The following WWOX variants were observed in gnomAD, a reference collection of about 807,000 sequenced individuals.
WWOX encodes WW domain-containing oxidoreductase.
A neutral mutation model predicts 46.2 loss-of-function variants in WWOX; 69 were observed. The observed-to-expected ratio is 1.49, with a 90% confidence interval of 1.23 to 1.82. The LOEUF (loss-of-function observed/expected upper bound fraction) is 1.82, where lower values mean the gene tolerates loss of function less well. Among genes scored for constraint, WWOX ranks in the 40% most tolerant of loss-of-function variants. The probability of loss-of-function intolerance (pLI) is 0.00; values close to 1 mark genes in which losing one functional copy is unlikely to be tolerated. For missense variants in WWOX, 919 were observed against 542.6 expected, an observed-to-expected ratio of 1.69 and a Z score of -6.89; for synonymous variants, 359 against 202.6, an observed-to-expected ratio of 1.77 and a Z score of -6.56.
At chr16:78,538,872 C>T (rs546048183) in intron 8 of WWOX, among the ~76,000 whole-genome samples, 38 of 152,270 alleles carry the variant, frequency 2.5e-4, no homozygotes, top group African/African-American at 7.9e-4. Context: ...CTGAATAGTA[C>T]CTATGAGATG....
intron 8 of WWOX, among the ~76,000 whole-genome samples, chr16:78,768,417 C>T (rs377688822): frequency 1.4e-3 from 216 of 151,872 alleles, no homozygotes; most frequent in African/African-American, 4.9e-3. Context: ...TGTTGAAACC[C>T]GCTCTCTACT....
intron 8 of WWOX, among the ~76,000 whole-genome samples, chr16:78,748,584 C>T (rs1230140239): frequency 2.6e-5 from 4 of 152,156 alleles, no homozygotes; most frequent in African/African-American, 9.7e-5. Context: ...ACAATACGTC[C>T]GTGATCAACA....
At chr16:78,599,631 A>C (rs1445010419) in intron 8 of WWOX, among the ~76,000 whole-genome samples, 2 of 152,190 alleles carry the variant, frequency 1.3e-5, no homozygotes, top group Admixed American at 1.3e-4. Context: ...CAGGCCTGCC[A>C]ATCAACATTT....
At chr16:79,024,746 A>G (rs951336725) in intron 8 of WWOX, among the ~76,000 whole-genome samples, 5 of 151,698 alleles carry the variant, frequency 3.3e-5, no homozygotes, top group African/African-American at 1.2e-4. Context: ...TGATTTTTAA[A>G]TTTTTCATGG....
chr16:78,155,957 C>A (rs1462732786), intron 4 of WWOX, among the ~76,000 whole-genome samples: 1 of 152,198 alleles, frequency 6.6e-6, no homozygotes, highest in Non-Finnish European at 1.5e-5. Context: ...ATTGTCCTTC[C>A]TGTTAAACTA....
chr16:78,714,965 G>T (rs752135265), intron 8 of WWOX, among the ~76,000 whole-genome samples: 16 of 152,124 alleles, frequency 1.1e-4, no homozygotes, highest in African/African-American at 3.9e-4. Context: ...TGCGGCTGAG[G>T]ACAACACTAT....
At chr16:79,021,433 C>G (rs764444388) in intron 8 of WWOX, among the ~76,000 whole-genome samples, 1 of 152,006 alleles carries the variant, frequency 6.6e-6, no homozygotes, top group Admixed American at 6.6e-5. Context: ...ATAAAACGCA[C>G]GGGATCACAG....
intron 8 of WWOX, among the ~76,000 whole-genome samples, chr16:78,643,567 C>A (rs543051375): frequency 6.6e-6 from 1 of 152,130 alleles, no homozygotes; most frequent in East Asian, 1.9e-4. Context: ...CCAGAGCCTT[C>A]CAGCCCCCTG....
At chr16:78,257,198 C>G (rs1449910315) in intron 5 of WWOX, among the ~76,000 whole-genome samples, 1 of 151,722 alleles carries the variant, frequency 6.6e-6, no homozygotes, top group Admixed American at 6.6e-5. Flanking sequence ...TGTTGTTTTT[C>G]TAATCTTCTA....
At position 78,283,663 on chromosome 16, in the gene WWOX, G is replaced by A. The variant is rs112659592; in HGVS notation, c.517-103197G>A. 1.9e-3 allele frequency among the ~76,000 whole-genome samples: 286 copies of A among 151,312 alleles called. 1 individual carries two copies. Among genetic ancestry groups the A allele is most frequent in the African/African-American group, 6.4e-3 (263 of 41,196 alleles). On this transcript the variant is annotated intron_variant, in intron 5 of 8. Coordinates refer to ENST00000566780, the MANE Select transcript of WWOX (RefSeq NM_016373.4). ...CTTTAGAAAACGTATTTACATGGAC[G>A]TTTTTGAAGCACTTCTTAAGACATC...
intron 5 of WWOX, among the ~76,000 whole-genome samples, chr16:78,313,994 C>A (rs375486575): frequency 3.3e-5 from 5 of 152,268 alleles, no homozygotes; most frequent in South Asian, 2.1e-4. Flanking sequence ...CTGGCTGTTC[C>A]GCTTTCTAAC....
chr16:79,105,654 CTTTTTG>C (rs1415607202), intron 8 of WWOX, among the ~76,000 whole-genome samples: 64 of 149,940 alleles, frequency 4.3e-4, no homozygotes, highest in Middle Eastern at 3.4e-3. Context: ...CTGTGAATGT[CTTTTTG>C]TTTTTTTTTT....
intron 6 of WWOX, among the ~76,000 whole-genome samples, chr16:78,412,811 G>A (rs532170940): frequency 6.6e-6 from 1 of 152,312 alleles, no homozygotes; most frequent in Admixed American, 6.5e-5. Flanking sequence ...TTTGGGTCAG[G>A]GAAGGAGACT....
At chr16:78,538,760 TAGG>T (rs1329783091) in intron 8 of WWOX, among the ~76,000 whole-genome samples, 1 of 152,232 alleles carries the variant, frequency 6.6e-6, no homozygotes, top group Non-Finnish European at 1.5e-5. Context: ...AACCCTGATT[TAGG>T]AGCATTTTCT....
intron 8 of WWOX, among the ~76,000 whole-genome samples, chr16:79,108,045 A>T (rs1255925088): frequency 6.6e-6 from 1 of 152,228 alleles, no homozygotes; most frequent in Non-Finnish European, 1.5e-5. Context: ...CTGCATGCTG[A>T]CATTTACATT....
At chr16:78,126,300 AC>A (rs1665728196) in intron 4 of WWOX, among the ~76,000 whole-genome samples, 1 of 152,144 alleles carries the variant, frequency 6.6e-6, no homozygotes, top group South Asian at 2.1e-4. Context: ...TTGCTCCCCA[AC>A]CTTAATATCT....
At chr16:78,372,709 G>T (rs138692607) in intron 5 of WWOX, among the ~76,000 whole-genome samples, 2 of 152,102 alleles carry the variant, frequency 1.3e-5, no homozygotes, top group African/African-American at 2.4e-5. Flanking sequence ...GGCTTTTAAG[G>T]TCAGATTAAT....
chr16:78,673,135 G>C (rs77296086), intron 8 of WWOX, among the ~76,000 whole-genome samples: 1,979 of 152,338 alleles, frequency 0.013, 21 homozygotes, highest in South Asian at 0.039. Flanking sequence ...ATGTCCTGAA[G>C]GAACAGCTCA....
chr16:79,177,688 A>G (rs1222732849), intron 8 of WWOX, among the ~76,000 whole-genome samples: 1 of 152,138 alleles, frequency 6.6e-6, no homozygotes, highest in Non-Finnish European at 1.5e-5. Context: ...TGGCACTTAC[A>G]TTTGAGCCAT....
Sources: gnomAD v4.1 joint callset for allele counts (sites outside exome capture counted in the v4.1 genomes callset) on GRCh38, gnomAD v4.1.1 for gene constraint, MANE v1.5 for transcripts, NCBI Gene and HGNC (gene_info 2026-07-23, HGNC 2026-07-21) for gene names.